The following SAMMSON variants were observed in gnomAD, a reference collection of about 807,000 sequenced individuals.
The protein encoded by SAMMSON is long intergenic non-protein coding RNA 1212.
chr3:70,185,556 C>G (rs1476377970), intron 4 of SAMMSON, among the ~76,000 whole-genome samples: 8 of 152,100 alleles, frequency 5.3e-5, no homozygotes, highest in African/African-American at 1.9e-4. Flanking sequence ...CATGAATAAC[C>G]CTTGGGTTGT....
At chr3:70,199,153 A>C (rs914043168) in intron 4 of SAMMSON, among the ~76,000 whole-genome samples, 2 of 152,136 alleles carry the variant, frequency 1.3e-5, no homozygotes, top group Admixed American at 1.3e-4. Context: ...TATACATGCA[A>C]GGTTAAAAGT....
intron 4 of SAMMSON, among the ~76,000 whole-genome samples, chr3:70,243,498 C>T (rs1318963642): frequency 2.0e-5 from 3 of 152,060 alleles, no homozygotes; most frequent in Non-Finnish European, 2.9e-5. Flanking sequence ...ATGTAGTTTT[C>T]GTTTTTTGGC....
intron 9 of SAMMSON, among the ~76,000 whole-genome samples, chr3:70,386,730 G>A (rs1312355285): frequency 2.6e-5 from 4 of 152,042 alleles, no homozygotes; most frequent in Non-Finnish European, 2.9e-5. Context: ...AGGTACATGA[G>A]GGCAGTTTTA....
intron 9 of SAMMSON, among the ~76,000 whole-genome samples, chr3:70,359,886 G>A (rs1180093785): frequency 1.3e-5 from 2 of 152,070 alleles, no homozygotes; most frequent in Admixed American, 6.6e-5. Context: ...TCTGGAGTTA[G>A]AAGAATGCAG....
intron 3 of SAMMSON, among the ~76,000 whole-genome samples, chr3:70,019,912 G>T (rs544394967): frequency 1.1e-4 from 16 of 152,252 alleles, no homozygotes; most frequent in Non-Finnish European, 2.1e-4. Context: ...GGCAACTTGG[G>T]TAACAACTAT....
intron 9 of SAMMSON, among the ~76,000 whole-genome samples, chr3:70,386,717 G>A (rs1293179610): frequency 1.3e-5 from 2 of 152,042 alleles, no homozygotes; most frequent in African/African-American, 4.8e-5. Flanking sequence ...AAAGTTCCAG[G>A]GGAGGTACAT....
At chr3:70,245,690 T>TAC (rs1485551474) in intron 4 of SAMMSON, among the ~76,000 whole-genome samples, 3 of 134,836 alleles carry the variant, frequency 2.2e-5, no homozygotes, top group Admixed American at 7.4e-5. Flanking sequence ...TATATATATA[T>TAC]ATATATATAT....
At chr3:70,426,785 T>G (rs1419724913) in intron 2 of SAMMSON, among the ~76,000 whole-genome samples, 3 of 152,328 alleles carry the variant, frequency 2.0e-5, no homozygotes, top group South Asian at 4.1e-4. Flanking sequence ...TATTGACATC[T>G]TTGAAGATTC....
intron 9 of SAMMSON, among the ~76,000 whole-genome samples, chr3:70,384,291 A>T (rs1298270842): frequency 6.6e-6 from 1 of 152,044 alleles, no homozygotes; most frequent in African/African-American, 2.4e-5. Flanking sequence ...AAATGATCTG[A>T]AGGTGACCAC....
At chr3:70,229,859 C>G (rs1418092520) in intron 4 of SAMMSON, among the ~76,000 whole-genome samples, 1 of 152,112 alleles carries the variant, frequency 6.6e-6, no homozygotes, top group Non-Finnish European at 1.5e-5. Flanking sequence ...TACTGTCAAT[C>G]AGCCTAGCTA....
At chr3:70,330,163 A>G (rs1702610635) in intron 7 of SAMMSON, among the ~76,000 whole-genome samples, 1 of 151,954 alleles carries the variant, frequency 6.6e-6, no homozygotes, top group South Asian at 2.1e-4. Flanking sequence ...GAAAAAATAT[A>G]TAAACTTTAA....
At chr3:70,406,090 A>G (rs2106765704) in intron 2 of SAMMSON, among the ~76,000 whole-genome samples, 1 of 152,326 alleles carries the variant, frequency 6.6e-6, no homozygotes, top group South Asian at 2.1e-4. Flanking sequence ...ACTAATGCTT[A>G]TGTTAATTAG....
exon 10 of SAMMSON, chr3:70,389,738 A>G (rs1701029081): frequency 6.6e-6 from 1 of 152,160 alleles, no homozygotes; most frequent in Non-Finnish European, 1.5e-5. Context: ...GGGTGTAATC[A>G]ACTTCATCAA....
intron 2 of SAMMSON, among the ~76,000 whole-genome samples, chr3:70,420,315 GT>G (rs1446879250): frequency 6.6e-6 from 1 of 152,232 alleles, no homozygotes; most frequent in East Asian, 1.9e-4. Flanking sequence ...TCACCACAAA[GT>G]CAAAGGAGCT....
intron 9 of SAMMSON, among the ~76,000 whole-genome samples, chr3:70,376,101 T>C (rs1315745884): frequency 6.6e-6 from 1 of 152,132 alleles, no homozygotes; most frequent in Non-Finnish European, 1.5e-5. Context: ...AATCTTTCAT[T>C]TTCATACTGC....
chr3:70,208,637 G>T (rs993556236), intron 4 of SAMMSON, among the ~76,000 whole-genome samples: 1 of 151,994 alleles, frequency 6.6e-6, no homozygotes, highest in Non-Finnish European at 1.5e-5. Flanking sequence ...CGATGCCAGG[G>T]ATCTTCTGCA....
chr3:70,386,786 AAGGAAGGTGGCTTGG>A (rs1476213732), intron 9 of SAMMSON, among the ~76,000 whole-genome samples: 1 of 152,094 alleles, frequency 6.6e-6, no homozygotes, highest in African/African-American at 2.4e-5. Context: ...ATATAGGGTA[AAGGAAGGTGGCTTGG>A]AAGAAAATGT....
rs918986583 is a variant in SAMMSON at position 70,357,876 on chromosome 3, G to C, written n.843-378G>C. Reference sequence around the variant, plus strand: ...AGAGTATTTTCTATTAATGGGATATGATTTTTCCTGCCTAGAAAACTGAGT... The same window carrying C: ...AGAGTATTTTCTATTAATGGGATATCATTTTTCCTGCCTAGAAAACTGAGT... On this transcript the variant is annotated intron_variant and non_coding_transcript_variant, in intron 8 of 9. Coordinates refer to ENST00000642114, the Ensembl canonical transcript of SAMMSON. 1.1e-4 allele frequency among the ~76,000 whole-genome samples: 17 copies of C among 152,168 alleles called. No homozygotes were observed. The East Asian group carries it at 3.3e-3, about 29-fold the overall frequency.
chr3:70,021,457 T>C (rs950318837), intron 3 of SAMMSON, among the ~76,000 whole-genome samples: 3 of 152,188 alleles, frequency 2.0e-5, no homozygotes, highest in Admixed American at 6.5e-5. Context: ...ATAAAACATC[T>C]GTGGCAAAAT....
Sources: allele counts gnomAD v4.1 joint callset (sites outside exome capture counted in the v4.1 genomes callset), GRCh38; gene constraint gnomAD v4.1.1; transcripts MANE v1.5; gene names NCBI Gene and HGNC (gene_info 2026-07-23, HGNC 2026-07-21).